PACRG: variants seen among roughly 807,000 people sequenced by gnomAD.
The protein encoded by PACRG is parkin coregulated, also known as parkin coregulated gene protein.
In PACRG, 29 loss-of-function variants were observed where a neutral mutation model predicts 29.7. The observed-to-expected ratio is 0.98, with a 90% confidence interval of 0.73 to 1.33. PACRG has a LOEUF of 1.33. PACRG is among the 40% of genes most tolerant of loss of function. The probability of loss-of-function intolerance (pLI) is 0.00; values close to 1 mark genes in which losing one functional copy is unlikely to be tolerated. For synonymous variants in PACRG, 116 were observed against 118.7 expected, an observed-to-expected ratio of 0.98 and a Z score of 0.15; for missense variants, 279 against 316.2, an observed-to-expected ratio of 0.88 and a Z score of 0.89.
chr6:162,838,228 G>A (rs868708), intron 2 of PACRG, among the ~76,000 whole-genome samples: 68,216 of 151,976 alleles, frequency 0.45, 17,118 homozygotes, highest in African/African-American at 0.65. Flanking sequence ...ACATAGTAAG[G>A]CCATCTGTCA....
intron 2 of PACRG, among the ~76,000 whole-genome samples, chr6:162,852,570 A>G (rs1791013974): frequency 1.3e-5 from 2 of 152,250 alleles, no homozygotes; most frequent in Admixed American, 1.3e-4. Flanking sequence ...TTTTAAGCAT[A>G]AAAGTAACAT....
chr6:163,174,465 A>C (rs966894849), intron 4 of PACRG, among the ~76,000 whole-genome samples: 16 of 152,188 alleles, frequency 1.1e-4, no homozygotes, highest in African/African-American at 3.9e-4. Flanking sequence ...ATTCTTTTGA[A>C]TATCACTTTG....
chr6:163,144,847 C>T (rs997757756), intron 4 of PACRG, among the ~76,000 whole-genome samples: 3 of 152,176 alleles, frequency 2.0e-5, no homozygotes, highest in African/African-American at 7.2e-5. Flanking sequence ...CAGGCAGTAA[C>T]ATCAGGTACA....
At chr6:162,905,673 C>T (rs1795883001) in intron 2 of PACRG, among the ~76,000 whole-genome samples, 2 of 152,162 alleles carry the variant, frequency 1.3e-5, no homozygotes, top group African/African-American at 2.4e-5. Flanking sequence ...TCCATCTTTT[C>T]ACTTTCCCTT....
At chr6:163,312,278 C>T (rs118087743) in intron 4 of PACRG, among the ~76,000 whole-genome samples, 1,955 of 152,244 alleles carry the variant, frequency 0.013, 17 homozygotes, top group Non-Finnish European at 0.018. Flanking sequence ...TGGTTGGAAT[C>T]CTGGAAAGCT....
At chr6:162,971,708 AT>A (rs1012482921) in intron 2 of PACRG, among the ~76,000 whole-genome samples, 1 of 152,182 alleles carries the variant, frequency 6.6e-6, no homozygotes, top group Admixed American at 6.5e-5. Flanking sequence ...GGTTTTTAAT[AT>A]TGTGAAAAAC....
chr6:163,191,674 G>A (rs766203119), intron 4 of PACRG: 8 of 456,170 alleles, frequency 1.8e-5, no homozygotes, highest in East Asian at 6.9e-5. Context: ...CACACTCCAC[G>A]TGGCCATCTG....
At chr6:163,148,399 T>A (rs559350947) in intron 4 of PACRG, among the ~76,000 whole-genome samples, 19 of 152,326 alleles carry the variant, frequency 1.2e-4, no homozygotes, top group Non-Finnish European at 2.5e-4. Context: ...AAAGGCGTGA[T>A]CCTGGAGCCT....
chr6:162,814,978 T>G (rs1431239861), intron 2 of PACRG, among the ~76,000 whole-genome samples: 1 of 152,236 alleles, frequency 6.6e-6, no homozygotes, highest in Non-Finnish European at 1.5e-5. Flanking sequence ...CTTGCCAATC[T>G]CTTAACCGGA....
At chr6:162,969,757 G>A (rs1009679623) in intron 2 of PACRG, among the ~76,000 whole-genome samples, 2 of 152,094 alleles carry the variant, frequency 1.3e-5, no homozygotes, top group African/African-American at 2.4e-5. Context: ...TCTTCAAGAC[G>A]TTCTACTTGA....
intron 2 of PACRG, among the ~76,000 whole-genome samples, chr6:162,936,592 A>G (rs1249467252): frequency 6.6e-6 from 1 of 152,114 alleles, no homozygotes; most frequent in Non-Finnish European, 1.5e-5. Context: ...AAATGTTACT[A>G]TATTATCCAA....
intron 4 of PACRG, among the ~76,000 whole-genome samples, chr6:163,117,151 C>G (rs1260533677): frequency 6.6e-6 from 1 of 152,156 alleles, no homozygotes; most frequent in South Asian, 2.1e-4. Context: ...AACACTCATC[C>G]CACACTGTCT....
At chr6:162,766,910 A>G (rs1782839386) in intron 1 of PACRG, among the ~76,000 whole-genome samples, 1 of 151,954 alleles carries the variant, frequency 6.6e-6, no homozygotes, top group Non-Finnish European at 1.5e-5. Context: ...TTTCTATAGT[A>G]TGTTCTTTAC....
chr6:163,103,098 C>T (rs1038999594), intron 4 of PACRG, among the ~76,000 whole-genome samples: 1 of 152,188 alleles, frequency 6.6e-6, no homozygotes, highest in African/African-American at 2.4e-5. Context: ...CATATTATCT[C>T]ACAGTTCTGC....
At chr6:163,286,952 A>G (rs1784422990) in intron 4 of PACRG, among the ~76,000 whole-genome samples, 1 of 152,106 alleles carries the variant, frequency 6.6e-6, no homozygotes, top group Non-Finnish European at 1.5e-5. Flanking sequence ...GTGTGCTTGC[A>G]TATGTGTAGA....
chr6:163,287,337 A>G (rs892671974), intron 4 of PACRG, among the ~76,000 whole-genome samples: 3 of 152,202 alleles, frequency 2.0e-5, no homozygotes, highest in African/African-American at 7.2e-5. Flanking sequence ...CTGCTCTTAC[A>G]GAAGGGAAAG....
intron 2 of PACRG, among the ~76,000 whole-genome samples, chr6:162,908,192 C>T (rs1796065838): frequency 6.6e-6 from 1 of 152,162 alleles, no homozygotes; most frequent in Non-Finnish European, 1.5e-5. Context: ...ACTCTTTATA[C>T]AGAAACAATA....
intron 4 of PACRG, among the ~76,000 whole-genome samples, chr6:163,161,829 A>G (rs1778568749): frequency 2.6e-5 from 4 of 152,194 alleles, no homozygotes; most frequent in African/African-American, 7.2e-5. Context: ...CTAAAAGCTG[A>G]GTGGACCTCT....
At chr6:162,857,399 G>C (rs1171576883) in intron 2 of PACRG, among the ~76,000 whole-genome samples, 1 of 152,138 alleles carries the variant, frequency 6.6e-6, no homozygotes, top group Non-Finnish European at 1.5e-5. Flanking sequence ...TTGAAGGGAG[G>C]CAGAATTAGA....
Sources: allele counts gnomAD v4.1 joint callset (sites outside exome capture counted in the v4.1 genomes callset), GRCh38; gene constraint gnomAD v4.1.1; transcripts MANE v1.5; gene names NCBI Gene and HGNC (gene_info 2026-07-23, HGNC 2026-07-21).